GLIS3: variants seen among roughly 807,000 people sequenced by gnomAD.
GLIS3 encodes the protein zinc finger protein GLIS3.
In GLIS3, 53 loss-of-function variants were observed where a neutral mutation model predicts 78.6. The ratio of observed to expected loss-of-function variants is 0.67; its 90% CI spans 0.54 to 0.85. The LOEUF (loss-of-function observed/expected upper bound fraction) is 0.85, where lower values mean the gene tolerates loss of function less well. Among genes scored for constraint, GLIS3 ranks in the 40% least tolerant of loss-of-function variants. The probability of loss-of-function intolerance (pLI) is 0.00; values close to 1 mark genes in which losing one functional copy is unlikely to be tolerated. For synonymous variants in GLIS3, 684 were observed against 509.9 expected (o/e 1.34, Z -4.60); for missense variants, 1,703 against 1,231.1 (o/e 1.38, Z -5.74).
intron 6 of GLIS3, among the ~76,000 whole-genome samples, chr9:3,923,070 G>C (rs933312236): frequency 2.6e-5 from 4 of 152,186 alleles, no homozygotes; most frequent in Non-Finnish European, 5.9e-5. Flanking sequence ...ACCTAGAACT[G>C]ATGATAGCAT....
intron 4 of GLIS3, among the ~76,000 whole-genome samples, chr9:4,104,324 A>G (rs1022101570): frequency 8.5e-5 from 13 of 152,196 alleles, no homozygotes; most frequent in African/African-American, 2.9e-4. Flanking sequence ...CCTTAAAGTT[A>G]CCTCTGACAC....
the GLIS3 span, among the ~76,000 whole-genome samples, chr9:4,383,942 C>CAA: frequency 6.6e-6 from 1 of 152,230 alleles, no homozygotes; most frequent in African/African-American, 2.4e-5. Context: ...ACGAACCCCT[C>CAA]AATTCCTCTC....
At chr9:4,135,266 C>T (rs1467404548) in intron 2 of GLIS3, among the ~76,000 whole-genome samples, 1 of 152,068 alleles carries the variant, frequency 6.6e-6, no homozygotes, top group Non-Finnish European at 1.5e-5. Flanking sequence ...TGTCCATGTG[C>T]TTTAAAAGGC....
chr9:3,916,492 C>T (rs1824522353), intron 6 of GLIS3, among the ~76,000 whole-genome samples: 1 of 152,242 alleles, frequency 6.6e-6, no homozygotes, highest in African/African-American at 2.4e-5. Flanking sequence ...GAACTGGTCA[C>T]TCGTGGTCTC....
At chr9:4,355,231 G>C in the GLIS3 span, among the ~76,000 whole-genome samples, 1 of 152,118 alleles carries the variant, frequency 6.6e-6, no homozygotes, top group African/African-American at 2.4e-5. Context: ...GGCACATCTG[G>C]GTCCCAAAGC....
chr9:4,349,685 T>A (rs1257148776), upstream of GLIS3, among the ~76,000 whole-genome samples: 1 of 151,998 alleles, frequency 6.6e-6, no homozygotes, highest in Non-Finnish European at 1.5e-5. Flanking sequence ...ACACAGAGCA[T>A]CACTCTAAGC....
the GLIS3 span, among the ~76,000 whole-genome samples, chr9:4,373,670 C>CT: frequency 0.031 from 4,391 of 139,714 alleles, 223 homozygotes; most frequent in African/African-American, 0.098. Context: ...ATTTTCTTTT[C>CT]TTTTTTTTTT....
chr9:4,244,218 G>C (rs16920974), intron 2 of GLIS3, among the ~76,000 whole-genome samples: 2,374 of 152,248 alleles, frequency 0.016, 39 homozygotes, highest in Admixed American at 0.029. Flanking sequence ...CAACTCACCA[G>C]AATAGCTCAT....
intron 2 of GLIS3, among the ~76,000 whole-genome samples, chr9:4,278,914 G>A (rs184069159): frequency 2.0e-5 from 3 of 152,280 alleles, no homozygotes; most frequent in East Asian, 1.9e-4. Flanking sequence ...CCTTCATAGT[G>A]TTCTTGTCAA....
chr9:3,932,927 G>A (rs1825703399), intron 5 of GLIS3: 2 of 309,918 alleles, frequency 6.5e-6, no homozygotes, highest in Non-Finnish European at 1.3e-5. Context: ...ACCTGATTCA[G>A]AAAGAGAAAG....
intron 2 of GLIS3, among the ~76,000 whole-genome samples, chr9:4,241,124 G>C (rs1250039316): frequency 6.6e-6 from 1 of 152,078 alleles, no homozygotes; most frequent in East Asian, 1.9e-4. Flanking sequence ...GAAAAACAAG[G>C]AAACCTGCTT....
chr9:4,269,000 G>C (rs577076348), intron 2 of GLIS3, among the ~76,000 whole-genome samples: 1 of 152,246 alleles, frequency 6.6e-6, no homozygotes, highest in African/African-American at 2.4e-5. Flanking sequence ...AATTCTCTAT[G>C]TTAAAAATAA....
At chr9:4,048,860 G>A (rs1825473648) in intron 4 of GLIS3, among the ~76,000 whole-genome samples, 1 of 152,138 alleles carries the variant, frequency 6.6e-6, no homozygotes, top group African/African-American at 2.4e-5. Context: ...CGCTTTTCTA[G>A]AAACAGGCAA....
chr9:4,086,844 T>A (rs1829072865), intron 4 of GLIS3, among the ~76,000 whole-genome samples: 1 of 152,160 alleles, frequency 6.6e-6, no homozygotes, highest in Non-Finnish European at 1.5e-5. Context: ...TCCCCTCAAG[T>A]CCCACAGAGC....
At chr9:4,209,042 C>T (rs1250300125) in intron 2 of GLIS3, among the ~76,000 whole-genome samples, 2 of 152,140 alleles carry the variant, frequency 1.3e-5, no homozygotes, top group Admixed American at 1.3e-4. Flanking sequence ...ACTGCTCATG[C>T]CAGGTGTATC....
chr9:3,933,807 A>C (rs1825748134), intron 5 of GLIS3, among the ~76,000 whole-genome samples: 1 of 152,232 alleles, frequency 6.6e-6, no homozygotes, highest in Non-Finnish European at 1.5e-5. Flanking sequence ...AGTGGATTAC[A>C]TTATTTGACC....
intron 2 of GLIS3, among the ~76,000 whole-genome samples, chr9:4,254,548 G>C (rs982198249): frequency 6.6e-6 from 1 of 152,152 alleles, no homozygotes; most frequent in Non-Finnish European, 1.5e-5. Flanking sequence ...GGAACAAAAA[G>C]ATAAGAAATG....
At chr9:4,270,891 G>A (rs1826440232) in intron 2 of GLIS3, among the ~76,000 whole-genome samples, 1 of 236 alleles carries the variant, frequency 4.2e-3, no homozygotes, top group South Asian at 0.083. Context: ...TCTGTGTGGT[G>A]TGTGTGTGTG....
intron 4 of GLIS3, chr9:4,071,613 T>G (rs998966726): frequency 1.3e-5 from 2 of 152,208 alleles, no homozygotes; most frequent in African/African-American, 4.8e-5. Context: ...AAAAGAATAC[T>G]ATGCAAAAGC....
Sources: allele counts gnomAD v4.1 joint callset (sites outside exome capture counted in the v4.1 genomes callset), GRCh38; gene constraint gnomAD v4.1.1; transcripts MANE v1.5; gene names NCBI Gene and HGNC (gene_info 2026-07-23, HGNC 2026-07-21).